The following CNKSR2 variants were observed in gnomAD, a reference collection of about 807,000 sequenced individuals.
The protein encoded by CNKSR2 is CNK homolog protein 2.
In CNKSR2, 14 loss-of-function variants were observed where a neutral mutation model predicts 84.4. The observed-to-expected ratio is 0.17, with a 90% confidence interval of 0.11 to 0.26. The LOEUF (loss-of-function observed/expected upper bound fraction) is 0.26, where lower values mean the gene tolerates loss of function less well. Ranked by LOEUF, CNKSR2 falls within the 10% of genes least tolerant of loss-of-function variation. The pLI is 1.00. For synonymous variants in CNKSR2, 275 were observed against 277.9 expected (o/e 0.99, Z 0.10); for missense variants, 485 against 771.2 (o/e 0.63, Z 4.40).
chrX:21,378,102 A>G (rs999811343), intron 1 of CNKSR2, among the ~76,000 whole-genome samples: 1 of 112,003 alleles, frequency 8.9e-6, no homozygotes, highest in African/African-American at 3.2e-5. Context: ...CACAGTGTCA[A>G]TGTTATTTCC....
intron 1 of CNKSR2, among the ~76,000 whole-genome samples, chrX:21,397,237 G>A (rs972429749): frequency 2.7e-5 from 3 of 111,211 alleles, no homozygotes; most frequent in African/African-American, 9.8e-5. Context: ...TTTGAGGTCC[G>A]TTTAGAGCTG....
rs184430005 is a variant in CNKSR2 at position 21,471,288 on chromosome X, A to G, written c.561+481A>G. ...TTTTTGAATCAGTTAATGACTTTAC[A>G]TATATTTTATTACTAGAAATGGGCT... On this transcript the variant is annotated intron_variant, in intron 5 of 21. Transcript: ENST00000379510. Among the ~76,000 whole-genome samples the G allele has an allele frequency of 4.5e-4, 50 of 112,341 alleles. 1 individual carries two copies. Among genetic ancestry groups the G allele is most frequent in the African/African-American group, 1.4e-3 (44 of 31,011 alleles).
At chrX:21,413,376 C>T (rs1337409000) in intron 1 of CNKSR2, among the ~76,000 whole-genome samples, 2 of 110,628 alleles carry the variant, frequency 1.8e-5, no homozygotes, top group Non-Finnish European at 3.8e-5. Flanking sequence ...TTGATACAGG[C>T]ATGCAATGTG....
intron 1 of CNKSR2, among the ~76,000 whole-genome samples, chrX:21,414,314 A>T (rs1453161167): frequency 1.8e-5 from 2 of 111,125 alleles, no homozygotes; most frequent in Non-Finnish European, 3.8e-5. Context: ...CATTTCTGTG[A>T]TGGTCAGTGA....
intron 4 of CNKSR2, among the ~76,000 whole-genome samples, chrX:21,469,396 G>T: frequency 9.0e-6 from 1 of 111,517 alleles, no homozygotes; most frequent in South Asian, 3.8e-4. Context: ...GCCCCGATCT[G>T]CATATGTATT....
At chrX:21,560,721 ATAATATAC>A (rs1355539623) in intron 11 of CNKSR2, among the ~76,000 whole-genome samples, 1 of 111,442 alleles carries the variant, frequency 9.0e-6, no homozygotes, top group Non-Finnish European at 1.9e-5. Context: ...TGGAACAGAA[ATAATATAC>A]TGCAGCCTCA....
intron 4 of CNKSR2, among the ~76,000 whole-genome samples, chrX:21,460,074 C>A (rs972902465): frequency 1.3e-4 from 14 of 111,754 alleles, no homozygotes; most frequent in Admixed American, 8.6e-4. Flanking sequence ...CCTCAGCCGT[C>A]TTCCCACCAT....
In CNKSR2 at chrX:21,470,754, C is replaced by CTT; in HGVS notation, c.520-5_520-4dup. 1 of 932,676 alleles carries CTT rather than the reference C, an allele frequency of 1.1e-6. No individual in the cohort carries two copies. The highest frequency in any genetic ancestry group is 1.5e-6 in the Non-Finnish European group (1 of 681,241). The allele number at this position is 932,676 out of a possible 1,213,427, so 76.9% of individuals were successfully genotyped here. On this transcript the variant is annotated splice_polypyrimidine_tract_variant and intron_variant, in intron 4 of 21. Transcript: ENST00000379510. ...TATTTTGAATCTAATGTATATGGTT[C>CTT]TTTTTTTTCAGGATTGTACTGTATA... is the stretch of plus-strand genomic sequence containing the variant.
At chrX:21,570,245 T>A (rs1207928903) in intron 13 of CNKSR2, among the ~76,000 whole-genome samples, 3 of 112,942 alleles carry the variant, frequency 2.7e-5, no homozygotes, top group Non-Finnish European at 5.6e-5. Context: ...CCTTCATCAA[T>A]GATCTTAGCT....
Position 21,648,857 on chromosome X carries a change from G to A in CNKSR2, c.2719G>A (p.Asp907Asn). The A allele has an allele frequency of 9.0e-7, 1 of 1,105,536 alleles. No individual in the cohort carries two copies. Among genetic ancestry groups the A allele is most frequent in the Non-Finnish European group, 1.2e-6 (1 of 832,686 alleles). 91.1% of individuals were successfully genotyped at this position (1,105,536 alleles called of 1,213,427 possible). Residue 907 changes from aspartate to asparagine, a missense_variant, in exon 21 of 22, where the codon GAC becomes AAC. Asp to Asn is a conservative substitution (Grantham distance 23). Transcript: ENST00000379510. ...TGAAAGCAGAGAAGAAAAGTTAGGA[G>A]ACTCATTGCAAGATTTATACAGGGC... ...KSESREEKLGDSLQDLYRALE... is the reference protein window; with the variant it reads ...KSESREEKLGNSLQDLYRALE...
intron 20 of CNKSR2, chrX:21,642,590 C>T: frequency 6.7e-6 from 5 of 742,958 alleles, no homozygotes; most frequent in Non-Finnish European, 6.4e-6. Flanking sequence ...AATGATATTT[C>T]ATACTGTGCA....
intron 1 of CNKSR2, among the ~76,000 whole-genome samples, chrX:21,411,244 A>G (rs1353062237): frequency 1.8e-5 from 2 of 111,170 alleles, no homozygotes; most frequent in South Asian, 3.8e-4. Context: ...ATATAGTTCT[A>G]AATAATGTAT....
intron 1 of CNKSR2, among the ~76,000 whole-genome samples, chrX:21,413,289 G>A (rs1459641783): frequency 9.0e-6 from 1 of 110,680 alleles, no homozygotes; most frequent in East Asian, 2.8e-4. Context: ...TTTAAAATGT[G>A]TATACAACAT....
At chrX:21,625,087 T>C (rs1363721852) in intron 20 of CNKSR2, among the ~76,000 whole-genome samples, 5 of 112,402 alleles carry the variant, frequency 4.4e-5, no homozygotes, top group African/African-American at 1.6e-4. Flanking sequence ...AGAATGCTTT[T>C]TTAGAATTTA....
chrX:21,415,869 CACATAT>C (rs1266906299), intron 1 of CNKSR2, among the ~76,000 whole-genome samples: 4 of 91,834 alleles, frequency 4.4e-5, no homozygotes, highest in African/African-American at 1.4e-4. Flanking sequence ...CACACACACA[CACATAT>C]ATATATATAT....
Position 21,469,030 on chromosome X carries a change from A to AT in CNKSR2, c.520-1731dup, listed in dbSNP as rs1343203213. On this transcript the variant is annotated intron_variant, in intron 4 of 21. Transcript: ENST00000379510. ...GATCACATTAGGAATGTGCTAGTAA[A>AT]TTTTTATATTTTAAAGATACTTGAA... Among the ~76,000 whole-genome samples the AT allele has an allele frequency of 8.4e-4, 94 of 112,277 alleles. 1 individual carries two copies. Among genetic ancestry groups the AT allele is most frequent in the African/African-American group, 3.0e-3 (94 of 30,947 alleles).
chrX:21,421,857 C>T (rs1392692004), intron 1 of CNKSR2: 1 of 109,652 alleles, frequency 9.1e-6, no homozygotes, highest in Non-Finnish European at 1.9e-5. Context: ...GCAAATTGTC[C>T]AGGGAAGTAG....
At chrX:21,406,078 C>T (rs775401371) in intron 1 of CNKSR2, among the ~76,000 whole-genome samples, 1 of 111,064 alleles carries the variant, frequency 9.0e-6, no homozygotes, top group South Asian at 3.8e-4. Flanking sequence ...AAATGGGCGG[C>T]ACAGCAGGAG....
chrX:21,428,890 T>C (rs979445418), intron 2 of CNKSR2: 1 of 111,482 alleles, frequency 9.0e-6, no homozygotes, highest in Non-Finnish European at 1.9e-5. Flanking sequence ...AAGCAAGCCT[T>C]TTAGGACTCA....
Sources: gnomAD v4.1 joint callset for allele counts (sites outside exome capture counted in the v4.1 genomes callset) on GRCh38, gnomAD v4.1.1 for gene constraint, MANE v1.5 for transcripts, NCBI Gene and HGNC (gene_info 2026-07-23, HGNC 2026-07-21) for gene names.